The following CNTLN variants were observed in gnomAD, a reference collection of about 807,000 sequenced individuals.
CNTLN encodes the protein centlein, centrosomal protein.
A neutral mutation model predicts 180.0 loss-of-function variants in CNTLN; 212 were observed. The ratio of observed to expected loss-of-function variants is 1.18; its 90% CI spans 1.05 to 1.32. The LOEUF is 1.32. CNTLN is among the 40% of genes most tolerant of loss of function. The pLI is 0.00. For missense variants in CNTLN, 2,095 were observed against 1,610.9 expected, an observed-to-expected ratio of 1.30 and a Z score of -5.14; for synonymous variants, 722 against 563.1, an observed-to-expected ratio of 1.28 and a Z score of -3.99.
intron 1 of CNTLN, among the ~76,000 whole-genome samples, chr9:17,139,267 T>C (rs1057459974): frequency 6.6e-6 from 1 of 151,906 alleles, no homozygotes; most frequent in African/African-American, 2.4e-5. Flanking sequence ...TTTGTATTTT[T>C]AGTAGAGACG....
intron 23 of CNTLN, among the ~76,000 whole-genome samples, chr9:17,475,870 CT>C (rs1402378897): frequency 4.5e-5 from 2 of 44,326 alleles, no homozygotes; most frequent in Non-Finnish European, 7.8e-5. Flanking sequence ...AAGACTCTCT[CT>C]CAAAAAAAAA....
chr9:17,429,892 A>G (rs776662030), intron 18 of CNTLN, among the ~76,000 whole-genome samples: 11 of 152,022 alleles, frequency 7.2e-5, no homozygotes, highest in Non-Finnish European at 1.3e-4. Context: ...AGATTCACAT[A>G]TGGTTAGCCA....
intron 15 of CNTLN, among the ~76,000 whole-genome samples, chr9:17,397,950 A>C (rs1274812050): frequency 6.6e-6 from 1 of 152,162 alleles, no homozygotes. Context: ...AGCTTTAGGG[A>C]CTTCAGAAGA....
intron 13 of CNTLN, among the ~76,000 whole-genome samples, chr9:17,368,664 T>C (rs527460082): frequency 6.4e-4 from 97 of 152,306 alleles, no homozygotes; most frequent in Non-Finnish European, 1.3e-3. Flanking sequence ...AGAGAGACTC[T>C]GTTTGTTTGG....
At chr9:17,176,382 A>G (rs1820720343) in intron 2 of CNTLN, among the ~76,000 whole-genome samples, 1 of 152,074 alleles carries the variant, frequency 6.6e-6, no homozygotes, top group Non-Finnish European at 1.5e-5. Context: ...GACTGTTGAT[A>G]TGGTGGAATA....
chr9:17,142,163 A>G (rs1413687808), intron 1 of CNTLN, among the ~76,000 whole-genome samples: 2 of 152,040 alleles, frequency 1.3e-5, no homozygotes, highest in Admixed American at 6.5e-5. Flanking sequence ...CACCCGGCTC[A>G]TAGGTGGGCC....
intron 2 of CNTLN, among the ~76,000 whole-genome samples, chr9:17,209,687 T>G (rs773434906): frequency 4.6e-5 from 7 of 152,248 alleles, no homozygotes; most frequent in Non-Finnish European, 1.0e-4. Context: ...TCTCTTTTTA[T>G]AGTTTTTGTC....
intron 19 of CNTLN, among the ~76,000 whole-genome samples, chr9:17,462,014 G>A (rs1050138165): frequency 2.0e-5 from 3 of 151,822 alleles, no homozygotes; most frequent in Admixed American, 1.3e-4. Flanking sequence ...TACAAATAAT[G>A]TAATAAGTAG....
chr9:17,427,095 G>T (rs931312218), intron 18 of CNTLN, among the ~76,000 whole-genome samples: 4 of 152,008 alleles, frequency 2.6e-5, no homozygotes, highest in African/African-American at 9.7e-5. Flanking sequence ...CACTCCAGAG[G>T]ATTCTCAAAT....
At chr9:17,346,570 T>C (rs191560947) in intron 12 of CNTLN, among the ~76,000 whole-genome samples, 11 of 152,342 alleles carry the variant, frequency 7.2e-5, no homozygotes, top group African/African-American at 1.7e-4. Flanking sequence ...TGGCCTCTAT[T>C]GTTTCTGATG....
intron 5 of CNTLN, among the ~76,000 whole-genome samples, chr9:17,242,407 T>G (rs1825550511): frequency 1.3e-5 from 2 of 152,152 alleles, no homozygotes; most frequent in Admixed American, 1.3e-4. Flanking sequence ...CCTCCTGGGT[T>G]CAAGTGATTC....
chr9:17,220,664 G>T (rs1824070000), intron 2 of CNTLN, among the ~76,000 whole-genome samples: 1 of 152,014 alleles, frequency 6.6e-6, no homozygotes, highest in Admixed American at 6.6e-5. Flanking sequence ...TTTAGCTCCC[G>T]CTTATAGGCG....
chr9:17,400,604 AG>A (rs1826897554), intron 15 of CNTLN, among the ~76,000 whole-genome samples: 4 of 152,202 alleles, frequency 2.6e-5, no homozygotes, highest in African/African-American at 9.6e-5. Context: ...GCATAATGAT[AG>A]GATCATATTC....
At chr9:17,300,911 A>G (rs1343289185) in intron 7 of CNTLN, 2 of 919,984 alleles carry the variant, frequency 2.2e-6, no homozygotes, top group African/African-American at 1.8e-5. Flanking sequence ...AGTTATCTGC[A>G]TAGATACCAT....
intron 9 of CNTLN, among the ~76,000 whole-genome samples, chr9:17,331,353 T>A (rs938354047): frequency 9.3e-6 from 1 of 107,682 alleles, no homozygotes; most frequent in Non-Finnish European, 2.1e-5. Flanking sequence ...TCTCGTTTAT[T>A]AATGTCTCAA....
chr9:17,265,238 T>G (rs1446627737), intron 5 of CNTLN, among the ~76,000 whole-genome samples: 2 of 151,276 alleles, frequency 1.3e-5, no homozygotes, highest in African/African-American at 4.9e-5. Flanking sequence ...TTATTGAGAG[T>G]TTTTAGCATG....
At chr9:17,157,057 C>G (rs1188675329) in intron 2 of CNTLN, among the ~76,000 whole-genome samples, 1 of 152,152 alleles carries the variant, frequency 6.6e-6, no homozygotes, top group African/African-American at 2.4e-5. Flanking sequence ...TCTACTGTCT[C>G]CTCGATAGAA....
chr9:17,255,316 A>G (rs187186070), intron 5 of CNTLN, among the ~76,000 whole-genome samples: 6 of 151,838 alleles, frequency 4.0e-5, no homozygotes, highest in African/African-American at 1.4e-4. Context: ...GATGTTAGCT[A>G]TAGGCTTTTT....
chr9:17,256,983 T>TA (rs1049525074), intron 5 of CNTLN, among the ~76,000 whole-genome samples: 4 of 151,974 alleles, frequency 2.6e-5, no homozygotes, highest in African/African-American at 9.7e-5. Context: ...ACATTTTTTT[T>TA]TTATTATTAT....
Sources: gnomAD v4.1 joint callset for allele counts (sites outside exome capture counted in the v4.1 genomes callset) on GRCh38, gnomAD v4.1.1 for gene constraint, MANE v1.5 for transcripts, NCBI Gene and HGNC (gene_info 2026-07-23, HGNC 2026-07-21) for gene names.